Variants in TNIK observed in about 807,000 individuals in gnomAD.
The protein encoded by TNIK is TRAF2 and NCK interacting kinase.
TNIK carries 49 observed loss-of-function variants against 191.3 expected under a neutral mutation model. The observed-to-expected ratio is 0.26, with a 90% confidence interval of 0.20 to 0.32. The LOEUF (loss-of-function observed/expected upper bound fraction) is 0.32, where lower values mean the gene tolerates loss of function less well. Among genes scored for constraint, TNIK ranks in the 10% least tolerant of loss-of-function variants. The pLI is 1.00. For missense variants in TNIK, 1,155 were observed against 1,702.3 expected (o/e 0.68, Z 5.66); for synonymous variants, 594 against 600.9 (o/e 0.99, Z 0.17).
intron 2 of TNIK, among the ~76,000 whole-genome samples, chr3:171,312,808 T>G (rs1465098765): frequency 6.6e-6 from 1 of 151,910 alleles, no homozygotes; most frequent in East Asian, 1.9e-4. Context: ...TACTTTGGCT[T>G]TCACAAGATT....
chr3:171,070,502 A>G (rs1314187144), intron 29 of TNIK, among the ~76,000 whole-genome samples: 2 of 151,802 alleles, frequency 1.3e-5, no homozygotes, highest in Non-Finnish European at 1.5e-5. Context: ...AAAACAGAAG[A>G]TAAGTTCACT....
chr3:171,295,114 A>C (rs1752138134), intron 2 of TNIK, among the ~76,000 whole-genome samples: 1 of 152,152 alleles, frequency 6.6e-6, no homozygotes, highest in Non-Finnish European at 1.5e-5. Context: ...ATATTACTGG[A>C]TAAAACTGAG....
intron 12 of TNIK, among the ~76,000 whole-genome samples, chr3:171,154,766 C>T (rs1576983721): frequency 6.6e-6 from 1 of 152,182 alleles, no homozygotes. Context: ...TTGATGGACT[C>T]ATTCACTTTA....
intron 2 of TNIK, among the ~76,000 whole-genome samples, chr3:171,295,099 T>C (rs1271735774): frequency 6.6e-6 from 1 of 152,134 alleles, no homozygotes; most frequent in Non-Finnish European, 1.5e-5. Context: ...TATCCTTCTG[T>C]TCACATATTA....
At chr3:171,408,886 A>G (rs1024708049) in intron 1 of TNIK, among the ~76,000 whole-genome samples, 1 of 152,158 alleles carries the variant, frequency 6.6e-6, no homozygotes, top group Non-Finnish European at 1.5e-5. Flanking sequence ...AGATATTGTT[A>G]TTAGTGCCAA....
intron 12 of TNIK, among the ~76,000 whole-genome samples, chr3:171,143,645 A>G (rs181536878): frequency 6.6e-6 from 1 of 152,270 alleles, no homozygotes; most frequent in African/African-American, 2.4e-5. Context: ...TATCTTACCA[A>G]CTTTGCAATC....
intron 2 of TNIK, among the ~76,000 whole-genome samples, chr3:171,332,517 G>A (rs1176742453): frequency 1.3e-5 from 2 of 152,162 alleles, no homozygotes; most frequent in Admixed American, 6.5e-5. Flanking sequence ...TGGCCGGAAC[G>A]CTGCCAGCTT....
chr3:171,412,300 G>A (rs935380312), intron 1 of TNIK, among the ~76,000 whole-genome samples: 3 of 152,158 alleles, frequency 2.0e-5, no homozygotes, highest in African/African-American at 7.2e-5. Flanking sequence ...CAGCAGCAAC[G>A]TGGAAACTGG....
chr3:171,211,344 G>C, intron 3 of TNIK, 103 bp from the exon 4 acceptor site: 1 of 1,306,112 alleles, frequency 7.7e-7, no homozygotes. Flanking sequence ...TTTCTTCCTT[G>C]TTGACAAATG....
At chr3:171,149,646 A>G (rs1310546180) in intron 12 of TNIK, among the ~76,000 whole-genome samples, 1 of 152,204 alleles carries the variant, frequency 6.6e-6, no homozygotes, top group Non-Finnish European at 1.5e-5. Flanking sequence ...TCCCTGAAAC[A>G]CAAGTGTGAT....
At chr3:171,275,455 CAAG>C (rs1407026371) in intron 2 of TNIK, among the ~76,000 whole-genome samples, 17 of 151,850 alleles carry the variant, frequency 1.1e-4, no homozygotes, top group African/African-American at 2.7e-4. Context: ...AACCATAAAA[CAAG>C]AAGAGAATGC....
At chr3:171,106,402 AC>A (rs1462296440) in intron 21 of TNIK, among the ~76,000 whole-genome samples, 2 of 152,184 alleles carry the variant, frequency 1.3e-5, no homozygotes, top group Non-Finnish European at 2.9e-5. Context: ...CAGCTTGCTG[AC>A]CTCAAAGCCA....
At chr3:171,274,043 A>G (rs527848032) in intron 2 of TNIK, among the ~76,000 whole-genome samples, 1 of 152,338 alleles carries the variant, frequency 6.6e-6, no homozygotes, top group East Asian at 1.9e-4. Context: ...ATGAAATTGG[A>G]GTGAGAAAGT....
chr3:171,190,515 T>C (rs1427480823), intron 6 of TNIK, among the ~76,000 whole-genome samples, 182 bp downstream of exon 6: 1 of 152,220 alleles, frequency 6.6e-6, no homozygotes, highest in Non-Finnish European at 1.5e-5. Flanking sequence ...TTATATATAA[T>C]TCATTCCTCA....
intron 1 of TNIK, among the ~76,000 whole-genome samples, chr3:171,387,996 G>C (rs1332001699): frequency 2.0e-5 from 3 of 151,490 alleles, no homozygotes; most frequent in Non-Finnish European, 4.4e-5. Flanking sequence ...GAGGGGACGG[G>C]GGGGAGCAGA....
chr3:171,132,867 A>T (rs372588972), intron 15 of TNIK, among the ~76,000 whole-genome samples: 1 of 152,350 alleles, frequency 6.6e-6, no homozygotes, highest in Admixed American at 6.5e-5. Flanking sequence ...TACATGGTGA[A>T]TTCAACACAA....
chr3:171,066,217 C>T lies in TNIK; in HGVS notation c.3969G>A (p.Arg1323=), dbSNP rs1354146185. Residue 1323 remains arginine (R), a synonymous_variant, in exon 32 of 33, where the codon AGG becomes AGA. Coordinates refer to ENST00000436636, the MANE Select transcript of TNIK (RefSeq NM_015028.4). ...CATTTCTTTCACATAGAAACTTTAACCTTTGAGCTCGCTTATGCATAAATA... is the reference window on the plus strand; with the variant it reads ...CATTTCTTTCACATAGAAACTTTAATCTTTGAGCTCGCTTATGCATAAATA... ...DGVFMHKRAQ[R]LKFLCERNDK... is the part of the protein sequence containing the mutation. The T allele has an allele frequency of 6.8e-6, 11 of 1,613,712 alleles. No individual in the cohort carries two copies. The Admixed American group carries it at 1.7e-4, about 24-fold the overall frequency.
intron 2 of TNIK, among the ~76,000 whole-genome samples, chr3:171,243,237 A>G (rs963425351): frequency 1.3e-5 from 2 of 152,134 alleles, no homozygotes; most frequent in Admixed American, 1.3e-4. Context: ...GATTCACAAC[A>G]TATCATAAAT....
intron 2 of TNIK, among the ~76,000 whole-genome samples, chr3:171,300,623 G>T (rs1297655218): frequency 1.3e-5 from 2 of 152,162 alleles, no homozygotes; most frequent in South Asian, 4.1e-4. Context: ...GCATATTGAT[G>T]AAATATTCAA....
Sources: gnomAD v4.1 joint callset for allele counts (sites outside exome capture counted in the v4.1 genomes callset) on GRCh38, gnomAD v4.1.1 for gene constraint, MANE v1.5 for transcripts, NCBI Gene and HGNC (gene_info 2026-07-23, HGNC 2026-07-21) for gene names.